UBE2D2: variants seen among roughly 807,000 people sequenced by gnomAD.
UBE2D2 encodes ubiquitin conjugating enzyme E2 D2, also known as ubiquitin-conjugating enzyme E2 D2.
Under a neutral mutation model 24.2 loss-of-function variants are expected in UBE2D2, and 2 were observed. The observed-to-expected ratio is 0.08, with a 90% CI of 0.03 to 0.26. UBE2D2 has a LOEUF of 0.26. UBE2D2 is among the 10% of genes least tolerant of loss of function. The pLI is 1.00. For missense variants in UBE2D2, 44 were observed against 177.6 expected, an observed-to-expected ratio of 0.25 and a Z score of 4.28; for synonymous variants, 58 against 56.5, an observed-to-expected ratio of 1.03 and a Z score of -0.12.
chr5:139,616,728 A>G (rs946010934), intron 5 of UBE2D2, among the ~76,000 whole-genome samples: 2 of 152,228 alleles, frequency 1.3e-5, no homozygotes, highest in African/African-American at 2.4e-5. Context: ...CATTCACCCA[A>G]TAATTCTAGT....
chr5:139,619,540 A>G (rs1300694336), intron 5 of UBE2D2, among the ~76,000 whole-genome samples: 1 of 152,174 alleles, frequency 6.6e-6, no homozygotes, highest in African/African-American at 2.4e-5. Flanking sequence ...CACTGCTATA[A>G]AGAAATACCT....
intron 1 of UBE2D2, among the ~76,000 whole-genome samples, chr5:139,555,932 A>C: frequency 7.1e-6 from 1 of 141,726 alleles, no homozygotes; most frequent in African/African-American, 2.6e-5. Flanking sequence ...CTCAAAAAAA[A>C]AAAAAAAAAA....
chr5:139,604,894 AAAC>A (rs1186027109), intron 2 of UBE2D2, among the ~76,000 whole-genome samples: 13 of 152,130 alleles, frequency 8.5e-5, no homozygotes, highest in African/African-American at 3.1e-4. Context: ...AAAAAAAAAA[AAAC>A]AAGTATTGAT....
upstream of UBE2D2, chr5:139,561,186 C>T (rs1034023242): frequency 6.5e-6 from 1 of 152,798 alleles, no homozygotes; most frequent in Non-Finnish European, 1.5e-5. Context: ...GTCACGCCCT[C>T]CGGGGCCGTG....
chr5:139,581,607 A>G (rs1225169454), intron 1 of UBE2D2, among the ~76,000 whole-genome samples: 2 of 151,782 alleles, frequency 1.3e-5, no homozygotes, highest in African/African-American at 2.4e-5. Flanking sequence ...GAATTGATTT[A>G]TGTTTCATAT....
At chr5:139,580,972 T>C (rs927031425) in intron 1 of UBE2D2, among the ~76,000 whole-genome samples, 1 of 152,136 alleles carries the variant, frequency 6.6e-6, no homozygotes, top group Non-Finnish European at 1.5e-5. Flanking sequence ...TAAAGCAACC[T>C]GGGCTTTACC....
intron 1 of UBE2D2, among the ~76,000 whole-genome samples, chr5:139,548,883 C>G (rs1752870121): frequency 6.6e-6 from 1 of 150,770 alleles, no homozygotes; most frequent in Non-Finnish European, 1.5e-5. Context: ...GAGTCTCACT[C>G]TTTTGCCCAG....
intron 1 of UBE2D2, among the ~76,000 whole-genome samples, chr5:139,529,860 A>G (rs1342251178): frequency 1.3e-5 from 2 of 152,150 alleles, no homozygotes; most frequent in African/African-American, 4.8e-5. Flanking sequence ...TTAGCCGAAC[A>G]TGTAGCCCAG....
intron 5 of UBE2D2, among the ~76,000 whole-genome samples, chr5:139,622,759 G>A (rs1475540225): frequency 1.4e-4 from 21 of 150,616 alleles, no homozygotes; most frequent in South Asian, 4.2e-4. Flanking sequence ...GCGTGGTGGC[G>A]GGTGCCTGTA....
chr5:139,528,277 T>C (rs923803346), intron 1 of UBE2D2, among the ~76,000 whole-genome samples: 1 of 152,072 alleles, frequency 6.6e-6, no homozygotes, highest in Non-Finnish European at 1.5e-5. Flanking sequence ...AAATAACTAG[T>C]GTGGCACTTG....
intron 1 of UBE2D2, among the ~76,000 whole-genome samples, chr5:139,589,823 C>T (rs1208675273): frequency 4.6e-5 from 7 of 151,934 alleles, no homozygotes; most frequent in South Asian, 2.1e-4. Context: ...CTTGCTCCGT[C>T]GCCCAGGCTG....
intron 1 of UBE2D2, among the ~76,000 whole-genome samples, chr5:139,538,934 T>C (rs1191304781): frequency 3.3e-5 from 5 of 152,032 alleles, no homozygotes; most frequent in Non-Finnish European, 5.9e-5. Flanking sequence ...TTAAGTACAT[T>C]GCAGAATGAA....
At chr5:139,615,924 C>G (rs2126703255) in intron 5 of UBE2D2, among the ~76,000 whole-genome samples, 1 of 149,726 alleles carries the variant, frequency 6.7e-6, no homozygotes, top group African/African-American at 2.5e-5. Flanking sequence ...AAACCTCCAC[C>G]TCCCGGGTTC....
intron 1 of UBE2D2, among the ~76,000 whole-genome samples, chr5:139,595,133 A>G (rs1016834307): frequency 2.0e-5 from 3 of 152,154 alleles, no homozygotes; most frequent in Admixed American, 6.6e-5. Flanking sequence ...TTATTTCCCT[A>G]TTGTTCTTTC....
intron 2 of UBE2D2, among the ~76,000 whole-genome samples, chr5:139,605,591 C>CAAAAAAAAAAAA (rs70988710): frequency 2.2e-5 from 1 of 44,708 alleles, no homozygotes; most frequent in Non-Finnish European, 4.1e-5. Flanking sequence ...GACTCTGTCT[C>CAAAAAAAAAAAA]AAAAAAAAAA....
intron 1 of UBE2D2, among the ~76,000 whole-genome samples, chr5:139,550,949 C>G (rs1434333446): frequency 6.6e-6 from 1 of 152,156 alleles, no homozygotes; most frequent in South Asian, 2.1e-4. Flanking sequence ...CCCACCAATT[C>G]CAGATACACC....
In UBE2D2 at chr5:139,561,483, G is replaced by A. The variant is rs1188140909; in HGVS notation, c.-309G>A. ...TTGGGCTTTTGCTTTCTGGCGGAGG[G>A]ATCTGCGGCGGTTTAGGAGGCGGCG... On this transcript the variant is annotated 5_prime_UTR_variant, in exon 1 of 7. Coordinates refer to ENST00000398733, the MANE Select transcript of UBE2D2 (RefSeq NM_003339.3). 2 of 359,106 alleles carry A rather than the reference G, an allele frequency of 5.6e-6. No homozygotes were observed. Among genetic ancestry groups the A allele is most frequent in the Non-Finnish European group, 1.0e-5 (2 of 199,430 alleles). The allele number at this position is 359,106 out of a possible 1,614,324, so 22.2% of individuals were successfully genotyped here. A position where few individuals can be genotyped will look rare whatever the true frequency, so the allele number is the denominator to read the frequency against.
chr5:139,577,996 G>C (rs1282731223), intron 1 of UBE2D2, among the ~76,000 whole-genome samples: 2 of 152,170 alleles, frequency 1.3e-5, no homozygotes, highest in Non-Finnish European at 2.9e-5. Flanking sequence ...CCTTTTCCTC[G>C]CATTTCAGTG....
intron 1 of UBE2D2, among the ~76,000 whole-genome samples, chr5:139,599,015 G>C (rs1218958375): frequency 7.5e-6 from 1 of 132,634 alleles, no homozygotes; most frequent in Non-Finnish European, 1.5e-5. Context: ...TGCAACCTCT[G>C]CCTCCTGGGT....
Sources: gnomAD v4.1 joint callset for allele counts (sites outside exome capture counted in the v4.1 genomes callset) on GRCh38, gnomAD v4.1.1 for gene constraint, MANE v1.5 for transcripts, NCBI Gene and HGNC (gene_info 2026-07-23, HGNC 2026-07-21) for gene names.